EDIL3: variants seen among roughly 807,000 people sequenced by gnomAD.
The protein encoded by EDIL3 is EGF-like repeat and discoidin I-like domain-containing protein 3.
Under a neutral mutation model 67.4 loss-of-function variants are expected in EDIL3, and 37 were observed. The observed-to-expected ratio is 0.55, with a 90% CI of 0.42 to 0.72. The LOEUF (loss-of-function observed/expected upper bound fraction) is 0.72. Among genes scored for constraint, EDIL3 ranks in the 30% least tolerant of loss-of-function variants. EDIL3 has a pLI of 0.00. For missense variants in EDIL3, 527 were observed against 586.3 expected, an observed-to-expected ratio of 0.90 and a Z score of 1.04; for synonymous variants, 195 against 196.3, an observed-to-expected ratio of 0.99 and a Z score of 0.05.
intron 1 of EDIL3, among the ~76,000 whole-genome samples, chr5:84,270,357 A>C (rs1010630274): frequency 2.6e-5 from 4 of 152,174 alleles, no homozygotes; most frequent in African/African-American, 9.6e-5. Flanking sequence ...GGAGCCCAGC[A>C]CATTCTCATC....
chr5:84,289,885 T>A (rs1745880335), intron 1 of EDIL3, among the ~76,000 whole-genome samples: 1 of 152,230 alleles, frequency 6.6e-6, no homozygotes, highest in African/African-American at 2.4e-5. Flanking sequence ...AATGAAAACA[T>A]TAATAAATTA....
intron 7 of EDIL3, among the ~76,000 whole-genome samples, chr5:84,066,114 CA>C (rs1177616777): frequency 0.11 from 7,148 of 63,208 alleles, 398 homozygotes; most frequent in African/African-American, 0.3. Flanking sequence ...GACTTTGTCT[CA>C]AAAAAAAAAA....
intron 1 of EDIL3, among the ~76,000 whole-genome samples, chr5:84,367,542 G>C (rs1747764343): frequency 6.6e-6 from 1 of 152,184 alleles, no homozygotes; most frequent in African/African-American, 2.4e-5. Context: ...AGCACTTTGG[G>C]AGGCTGAGGC....
At chr5:83,954,872 T>C (rs953555080) in intron 10 of EDIL3, among the ~76,000 whole-genome samples, 1 of 151,818 alleles carries the variant, frequency 6.6e-6, no homozygotes, top group Non-Finnish European at 1.5e-5. Flanking sequence ...TTCTCTCAGC[T>C]AACATCTCCT....
chr5:84,249,377 TTCTATCTATCTATCTATCTATCTA>T (rs72278901), intron 2 of EDIL3, among the ~76,000 whole-genome samples: 39 of 144,286 alleles, frequency 2.7e-4, no homozygotes, highest in African/African-American at 9.3e-4. Flanking sequence ...CAACATATCT[TTCTATCTATCTATCTATCTATCTA>T]TCTATCTATC....
intron 1 of EDIL3, among the ~76,000 whole-genome samples, chr5:84,265,665 T>A (rs962579109): frequency 6.6e-6 from 1 of 152,182 alleles, no homozygotes; most frequent in East Asian, 1.9e-4. Context: ...GCCACAACAG[T>A]CTTAGGGAGC....
chr5:84,248,733 T>C (rs1336774246), intron 2 of EDIL3, among the ~76,000 whole-genome samples: 1 of 152,142 alleles, frequency 6.6e-6, no homozygotes, highest in African/African-American at 2.4e-5. Flanking sequence ...GGCCAGAAAC[T>C]GGGGATGCCT....
At chr5:84,125,103 A>T (rs577797684) in intron 5 of EDIL3, among the ~76,000 whole-genome samples, 3 of 152,152 alleles carry the variant, frequency 2.0e-5, no homozygotes, top group Admixed American at 2.0e-4. Context: ...AAATAGGAAT[A>T]ATGAGAATGA....
At chr5:84,204,109 T>C (rs934942019) in intron 3 of EDIL3, among the ~76,000 whole-genome samples, 1 of 152,214 alleles carries the variant, frequency 6.6e-6, no homozygotes, top group Non-Finnish European at 1.5e-5. Flanking sequence ...AAGTGAAGAA[T>C]GTTTACAACA....
intron 5 of EDIL3, among the ~76,000 whole-genome samples, chr5:84,113,398 C>G (rs1320516988): frequency 6.6e-6 from 1 of 152,060 alleles, no homozygotes; most frequent in African/African-American, 2.4e-5. Flanking sequence ...ACTGGAAGTG[C>G]CTTCTGACCT....
chr5:84,082,731 T>C (rs1179419882), intron 6 of EDIL3, among the ~76,000 whole-genome samples: 2 of 152,246 alleles, frequency 1.3e-5, no homozygotes, highest in African/African-American at 4.8e-5. Flanking sequence ...TTTTATATTA[T>C]GGTTTTTCTT....
At chr5:84,261,940 T>C (rs1745230015) in intron 1 of EDIL3, among the ~76,000 whole-genome samples, 1 of 152,216 alleles carries the variant, frequency 6.6e-6, no homozygotes, top group Non-Finnish European at 1.5e-5. Flanking sequence ...GAAAATCTGC[T>C]GTTCAGTGTT....
intron 1 of EDIL3, among the ~76,000 whole-genome samples, chr5:84,291,750 ATC>A (rs199562827): frequency 0.019 from 2,846 of 146,992 alleles, 88 homozygotes; most frequent in African/African-American, 0.065. Context: ...ATATAGATAT[ATC>A]TATATATCTA....
At chr5:84,222,511 A>G (rs1037872330) in intron 3 of EDIL3, among the ~76,000 whole-genome samples, 10 of 151,840 alleles carry the variant, frequency 6.6e-5, no homozygotes, top group African/African-American at 2.4e-4. Flanking sequence ...ATGTCCAGTG[A>G]CCTCTATCAT....
At chr5:84,075,234 G>T (rs937465474) in intron 6 of EDIL3, among the ~76,000 whole-genome samples, 6 of 151,778 alleles carry the variant, frequency 4.0e-5, no homozygotes, top group Admixed American at 1.3e-4. Flanking sequence ...AGCATTAGGA[G>T]ATATACCTAA....
chr5:84,371,848 A>G (rs1298797855), intron 1 of EDIL3, among the ~76,000 whole-genome samples: 4 of 152,050 alleles, frequency 2.6e-5, no homozygotes, highest in Non-Finnish European at 5.9e-5. Flanking sequence ...ATTAACTAGC[A>G]AAACAATAAA....
At chr5:84,131,626 T>C (rs898209664) in intron 5 of EDIL3, among the ~76,000 whole-genome samples, 1 of 152,248 alleles carries the variant, frequency 6.6e-6, no homozygotes, top group Admixed American at 6.5e-5. Flanking sequence ...ATGGAATCAG[T>C]AGTAAAGAGT....
chr5:83,957,045 C>G (rs1431181471), intron 10 of EDIL3, among the ~76,000 whole-genome samples: 1 of 151,676 alleles, frequency 6.6e-6, no homozygotes, highest in East Asian at 2.0e-4. Flanking sequence ...ACTTCACTTG[C>G]TATTACTGAA....
At chr5:84,049,632 A>T (rs1215850600) in intron 9 of EDIL3, among the ~76,000 whole-genome samples, 3 of 152,194 alleles carry the variant, frequency 2.0e-5, no homozygotes, top group African/African-American at 7.2e-5. Context: ...GAATGTTCCA[A>T]TTTCAACATT....
Sources: allele counts gnomAD v4.1 joint callset (sites outside exome capture counted in the v4.1 genomes callset), GRCh38; gene constraint gnomAD v4.1.1; transcripts MANE v1.5; gene names NCBI Gene and HGNC (gene_info 2026-07-23, HGNC 2026-07-21).